Variants in PLA2R1 observed in about 807,000 individuals in gnomAD.
The protein encoded by PLA2R1 is secretory phospholipase A2 receptor.
In PLA2R1, 158 loss-of-function variants were observed where a neutral mutation model predicts 195.9. The ratio of observed to expected loss-of-function variants is 0.81; its 90% CI spans 0.71 to 0.92. PLA2R1 has a LOEUF of 0.92. Ranked by LOEUF, PLA2R1 falls within the 40% of genes least tolerant of loss-of-function variation. The pLI, the probability that PLA2R1 is intolerant of heterozygous loss-of-function variation, is 0.00. For missense variants in PLA2R1, 1,626 were observed against 1,764.6 expected (o/e 0.92, Z 1.41); for synonymous variants, 586 against 598.2 (o/e 0.98, Z 0.30).
chr2:160,053,940 TGGAA>T (rs1559023815), intron 1 of PLA2R1, among the ~76,000 whole-genome samples: 1 of 152,226 alleles, frequency 6.6e-6, no homozygotes. Flanking sequence ...AAACCCTAAG[TGGAA>T]GGAAGGCCCT....
At chr2:159,955,408 T>C in intron 22 of PLA2R1, 62 bp from the exon 23 acceptor site, 3 of 1,063,428 alleles carry the variant, frequency 2.8e-6, no homozygotes, top group Admixed American at 2.6e-5. Flanking sequence ...AACATTAAAA[T>C]TTTTATTAAG....
Position 160,062,478 on chromosome 2 carries a change from A to C in PLA2R1, c.-75T>G. ...CCCGGGAGCCCAGAGCCGCGTCCCA[A>C]GCACCCGGCCCCGCCGCGCGGAAGC... On this transcript the variant is annotated 5_prime_UTR_variant, in exon 1 of 30. Coordinates refer to ENST00000283243, the MANE Select transcript of PLA2R1 (RefSeq NM_007366.5). 1 of 1,446,878 alleles carries C rather than the reference A, an allele frequency of 6.9e-7. No homozygotes were observed. The highest frequency in any genetic ancestry group is 9.1e-7 in the Non-Finnish European group (1 of 1,103,720). 89.6% of individuals were successfully genotyped at this position (1,446,878 alleles called of 1,614,324 possible).
chr2:159,953,935 G>A (rs1395233645), intron 23 of PLA2R1, among the ~76,000 whole-genome samples: 1 of 152,204 alleles, frequency 6.6e-6, no homozygotes, highest in Non-Finnish European at 1.5e-5. Flanking sequence ...CCGGGTTCAA[G>A]CGATTCTCAT....
rs1416370987 is a variant in PLA2R1, at chr2:159,932,996, T to C, written c.*8782A>G. On this transcript the variant is annotated 3_prime_UTR_variant, in exon 30 of 30. Transcript: ENST00000283243. ...AAGTTGAAAATAGCATAGATCATGA[T>C]GTCTTTTTTTTTTTTTGAAGAAAAA... The C allele has an allele frequency of 1.6e-4, 9 of 54,926 alleles. No homozygotes were observed. Among genetic ancestry groups the C allele is most frequent in the Non-Finnish European group, 2.0e-4 (3 of 14,854 alleles). 3.4% of individuals were successfully genotyped at this position (54,926 alleles called of 1,614,324 possible).
At chr2:159,999,151 A>T (rs986756688) in intron 11 of PLA2R1, among the ~76,000 whole-genome samples, 1 of 152,114 alleles carries the variant, frequency 6.6e-6, no homozygotes, top group South Asian at 2.1e-4. Flanking sequence ...CAGACACTGA[A>T]TCTGCTAGCA....
intron 11 of PLA2R1, among the ~76,000 whole-genome samples, chr2:159,993,730 A>G (rs544765590): frequency 6.6e-6 from 1 of 152,082 alleles, no homozygotes; most frequent in Non-Finnish European, 1.5e-5. Context: ...AGAGATTCCC[A>G]TCACAAGGAT....
chr2:159,997,334 T>A (rs1691280822), intron 11 of PLA2R1, among the ~76,000 whole-genome samples: 1 of 152,042 alleles, frequency 6.6e-6, no homozygotes. Flanking sequence ...TTCCTTTCCA[T>A]CACGTGAAAG....
chr2:159,946,787 C>T lies in PLA2R1; in HGVS notation c.3967+14G>A, dbSNP rs370729553. On this transcript the variant is annotated intron_variant, in intron 27 of 29. Coordinates refer to ENST00000283243, the MANE Select transcript of PLA2R1 (RefSeq NM_007366.5). ...GTATTTATTTATGTCCTCTCCTCTA[C>T]CCAAATCACTTACTGTTACCATCAA... is the stretch of plus-strand genomic sequence containing the variant. 165 of 1,599,586 alleles carry T rather than the reference C, an allele frequency of 1.0e-4. No individual in the cohort carries two copies. The highest frequency in any genetic ancestry group is 1.0e-4 in the Non-Finnish European group (122 of 1,176,320).
intron 10 of PLA2R1, among the ~76,000 whole-genome samples, chr2:160,007,501 G>GGAAC (rs1692076460): frequency 6.6e-6 from 1 of 152,248 alleles, no homozygotes; most frequent in African/African-American, 2.4e-5. Context: ...GACATCCAGA[G>GGAAC]GAACACACCG....
intron 9 of PLA2R1, among the ~76,000 whole-genome samples, chr2:160,014,147 A>G (rs1003753893): frequency 2.6e-5 from 4 of 152,154 alleles, no homozygotes; most frequent in Non-Finnish European, 5.9e-5. Context: ...CTGAAACCCA[A>G]TTCTGGAACA....
Position 160,062,610 on chromosome 2 carries a change from G to A in PLA2R1, c.-207C>T, listed in dbSNP as rs1023528231. ...GTCTCCACAGTGAACCGACACTCGGGGCTCTGGGCTGGGATGCGGGAAAGT... is the reference window on the plus strand; with the variant it reads ...GTCTCCACAGTGAACCGACACTCGGAGCTCTGGGCTGGGATGCGGGAAAGT... On this transcript the variant is annotated 5_prime_UTR_variant, in exon 1 of 30. Coordinates refer to ENST00000283243, the MANE Select transcript of PLA2R1 (RefSeq NM_007366.5). 139 of 902,996 alleles carry A rather than the reference G, an allele frequency of 1.5e-4. No homozygotes were observed. Among genetic ancestry groups the A allele is most frequent in the Non-Finnish European group, 2.0e-4 (133 of 658,346 alleles). 55.9% of individuals were successfully genotyped at this position (902,996 alleles called of 1,614,324 possible).
chr2:159,991,573 A>C, intron 11 of PLA2R1, among the ~76,000 whole-genome samples: 1 of 149,286 alleles, frequency 6.7e-6, no homozygotes, highest in African/African-American at 2.5e-5. Context: ...CTAACTTGTC[A>C]TCCAGCATTA....
intron 12 of PLA2R1, among the ~76,000 whole-genome samples, 200 bp from the exon 13 acceptor site, chr2:159,984,273 C>A (rs1483511055): frequency 6.6e-6 from 1 of 152,096 alleles, no homozygotes; most frequent in East Asian, 1.9e-4. Flanking sequence ...ATCCTCATAA[C>A]AAATTTCTGA....
At chr2:159,925,731 C>T in the PLA2R1 span, among the ~76,000 whole-genome samples, 1 of 152,080 alleles carries the variant, frequency 6.6e-6, no homozygotes, top group Non-Finnish European at 1.5e-5. Context: ...AATTCCTGAC[C>T]CTTTCTGGTG....
chr2:159,998,938 A>T (rs546524885), intron 11 of PLA2R1, among the ~76,000 whole-genome samples: 1 of 152,210 alleles, frequency 6.6e-6, no homozygotes, highest in South Asian at 2.1e-4. Context: ...TCCTGTTGCC[A>T]TGGTTTGAAT....
chr2:159,999,126 C>T (rs1251182728), intron 11 of PLA2R1, among the ~76,000 whole-genome samples: 3 of 152,104 alleles, frequency 2.0e-5, no homozygotes, highest in Non-Finnish European at 4.4e-5. Context: ...GAGGGCGCTG[C>T]AAGAAGGCCT....
chr2:159,998,667 C>A (rs1691393721), intron 11 of PLA2R1, among the ~76,000 whole-genome samples: 1 of 152,250 alleles, frequency 6.6e-6, no homozygotes, highest in East Asian at 1.9e-4. Flanking sequence ...TCTTTTACAA[C>A]TCTTTTGCAT....
rs1235992063 is a variant in PLA2R1, at chr2:159,935,326, T to C, written c.*6452A>G. The C allele has an allele frequency of 6.6e-6, 1 of 152,220 alleles. No individual in the cohort carries two copies. The highest frequency in any genetic ancestry group is 1.5e-5 in the Non-Finnish European group (1 of 68,034). The allele number at this position is 152,220 out of a possible 1,614,324, so 9.4% of individuals were successfully genotyped here. On this transcript the variant is annotated 3_prime_UTR_variant, in exon 30 of 30. Coordinates refer to ENST00000283243, the MANE Select transcript of PLA2R1 (RefSeq NM_007366.5). ...TTCACCCACTAACTTTTGCACCAAC[T>C]GGTAGGTCTTGCCAACAATTATTAC...
chr2:159,930,725 G>A (rs904007371), downstream of PLA2R1, among the ~76,000 whole-genome samples: 1 of 152,110 alleles, frequency 6.6e-6, no homozygotes, highest in African/African-American at 2.4e-5. Flanking sequence ...CTCACCACAG[G>A]GATGTCCTTG....
Sources: gnomAD v4.1 joint callset for allele counts (sites outside exome capture counted in the v4.1 genomes callset) on GRCh38, gnomAD v4.1.1 for gene constraint, MANE v1.5 for transcripts, NCBI Gene and HGNC (gene_info 2026-07-23, HGNC 2026-07-21) for gene names.